Variants in RAB11FIP4 observed in about 807,000 individuals in gnomAD.
RAB11FIP4 encodes the protein RAB11 family interacting protein 4.
Under a neutral mutation model 74.3 loss-of-function variants are expected in RAB11FIP4, and 23 were observed. That is an observed-to-expected ratio of 0.31 (90% confidence interval 0.22 to 0.44). RAB11FIP4 has a LOEUF of 0.44. Ranked by LOEUF, RAB11FIP4 falls within the 20% of genes least tolerant of loss-of-function variation. The pLI is 1.00. For synonymous variants in RAB11FIP4, 360 were observed against 359.9 expected (o/e 1.00, Z 0.00); for missense variants, 630 against 863.9 (o/e 0.73, Z 3.39).
chr17:31,443,148 A>G (rs1597919411), intron 3 of RAB11FIP4, among the ~76,000 whole-genome samples: 1 of 152,190 alleles, frequency 6.6e-6, no homozygotes, highest in African/African-American at 2.4e-5. Flanking sequence ...GAATTATAAT[A>G]CAGTTTAACT....
At chr17:31,475,855 T>C (rs150217405) in intron 3 of RAB11FIP4, among the ~76,000 whole-genome samples, 1 of 151,346 alleles carries the variant, frequency 6.6e-6, no homozygotes, top group East Asian at 1.9e-4. Context: ...GGCTGTCTAG[T>C]GTTCCTAAAT....
At chr17:31,419,781 A>C (rs1227795692) in intron 1 of RAB11FIP4, among the ~76,000 whole-genome samples, 1 of 151,934 alleles carries the variant, frequency 6.6e-6, no homozygotes, top group African/African-American at 2.4e-5. Flanking sequence ...CGATCTCCTG[A>C]TCTCATGATC....
chr17:31,531,511 G>C, intron 14 of RAB11FIP4, 105 bp from the exon 15 acceptor site: 1 of 743,892 alleles, frequency 1.3e-6, no homozygotes, highest in Non-Finnish European at 2.3e-6. Flanking sequence ...ATCTCCTGAT[G>C]CCCTCTATTG....
chr17:31,448,819 G>C (rs2071495560), intron 3 of RAB11FIP4, among the ~76,000 whole-genome samples: 1 of 152,100 alleles, frequency 6.6e-6, no homozygotes, highest in Non-Finnish European at 1.5e-5. Context: ...CCTGGAAAGA[G>C]CTCAGGTTTG....
At chr17:31,487,409 CAT>C (rs1271655474) in intron 3 of RAB11FIP4, among the ~76,000 whole-genome samples, 1 of 152,030 alleles carries the variant, frequency 6.6e-6, no homozygotes, top group African/African-American at 2.4e-5. Context: ...CCTGAGGACA[CAT>C]GTTTGACATA....
chr17:31,488,014 C>T (rs1332665091), intron 3 of RAB11FIP4: 3 of 1,009,986 alleles, frequency 3.0e-6, no homozygotes, highest in East Asian at 9.8e-5. Context: ...TCCCGGGGCC[C>T]AGGCGCCTCG....
intron 1 of RAB11FIP4, among the ~76,000 whole-genome samples, chr17:31,402,231 A>AT (rs11395448): frequency 0.44 from 64,357 of 146,862 alleles, 14,749 homozygotes; most frequent in African/African-American, 0.62. Context: ...CCATCCATCC[A>AT]CCCACCATCT....
chr17:31,527,956 G>T (rs1319538476), intron 11 of RAB11FIP4, 33 bp downstream of exon 11: 7 of 1,522,268 alleles, frequency 4.6e-6, no homozygotes, highest in Middle Eastern at 1.9e-4. Flanking sequence ...GAGGGGCAGG[G>T]CTGGCCATCG....
intron 3 of RAB11FIP4, among the ~76,000 whole-genome samples, chr17:31,439,520 T>C (rs1412609331): frequency 1.3e-5 from 2 of 152,262 alleles, no homozygotes; most frequent in Admixed American, 1.3e-4. Context: ...TTTCTGCTTT[T>C]ACGAATTAGC....
intron 1 of RAB11FIP4, among the ~76,000 whole-genome samples, chr17:31,416,877 T>G (rs1597905230): frequency 6.6e-6 from 1 of 152,292 alleles, no homozygotes; most frequent in African/African-American, 2.4e-5. Context: ...CAGCCAGCTC[T>G]GCCGCTGTCA....
intron 3 of RAB11FIP4, among the ~76,000 whole-genome samples, chr17:31,471,887 G>A (rs2071740547): frequency 6.6e-6 from 1 of 152,180 alleles, no homozygotes; most frequent in Non-Finnish European, 1.5e-5. Context: ...ACGGGGCCGG[G>A]CGCAGTGGCT....
chr17:31,411,385 C>CA (rs907428601), intron 1 of RAB11FIP4, among the ~76,000 whole-genome samples: 2 of 152,100 alleles, frequency 1.3e-5, no homozygotes, highest in African/African-American at 4.8e-5. Flanking sequence ...AACAAACAAA[C>CA]AAACAAAACA....
intron 1 of RAB11FIP4, among the ~76,000 whole-genome samples, chr17:31,410,527 A>G (rs1192365132): frequency 6.6e-6 from 1 of 152,094 alleles, no homozygotes; most frequent in Non-Finnish European, 1.5e-5. Flanking sequence ...CATCCTGGCC[A>G]ACATGGTGAA....
intron 3 of RAB11FIP4, among the ~76,000 whole-genome samples, chr17:31,517,046 T>G (rs2072565173): frequency 6.6e-6 from 1 of 151,768 alleles, no homozygotes; most frequent in South Asian, 2.1e-4. Context: ...AATCAGAGAC[T>G]AAAGTGAAGT....
chr17:31,475,881 C>T (rs970845560), intron 3 of RAB11FIP4, among the ~76,000 whole-genome samples: 6 of 150,824 alleles, frequency 4.0e-5, no homozygotes, highest in Non-Finnish European at 7.4e-5. Flanking sequence ...AAGGCTGGGA[C>T]GTGCCTTGTG....
intron 1 of RAB11FIP4, among the ~76,000 whole-genome samples, chr17:31,413,172 G>C (rs2071114456): frequency 1.3e-5 from 2 of 152,292 alleles, no homozygotes; most frequent in South Asian, 4.1e-4. Context: ...TGTCAGAGCT[G>C]GGGAGCTCGG....
chr17:31,406,312 T>C (rs1189406907), intron 1 of RAB11FIP4, among the ~76,000 whole-genome samples: 2 of 152,220 alleles, frequency 1.3e-5, no homozygotes, highest in African/African-American at 2.4e-5. Flanking sequence ...GAGTGGCCTC[T>C]GGTGTGGGCA....
chr17:31,439,055 C>T (rs1202029638), intron 3 of RAB11FIP4, among the ~76,000 whole-genome samples: 1 of 152,216 alleles, frequency 6.6e-6, no homozygotes, highest in African/African-American at 2.4e-5. Flanking sequence ...GGGGGCCCTT[C>T]ACCCTCTACC....
At chr17:31,516,608 T>C (rs1248204693) in intron 3 of RAB11FIP4, among the ~76,000 whole-genome samples, 2 of 152,242 alleles carry the variant, frequency 1.3e-5, no homozygotes, top group African/African-American at 2.4e-5. Flanking sequence ...TAGCTGGGAC[T>C]ACAGGCATGC....
Sources: allele counts gnomAD v4.1 joint callset (sites outside exome capture counted in the v4.1 genomes callset), GRCh38; gene constraint gnomAD v4.1.1; transcripts MANE v1.5; gene names NCBI Gene and HGNC (gene_info 2026-07-23, HGNC 2026-07-21).